ACTR3C: variants seen among roughly 807,000 people sequenced by gnomAD.
ACTR3C encodes actin-related protein 3C.
In ACTR3C, 18 loss-of-function variants were observed where a neutral mutation model predicts 26.3. The observed-to-expected ratio is 0.68, with a 90% CI of 0.47 to 1.01. ACTR3C has a LOEUF of 1.01. Ranked by LOEUF, ACTR3C falls within the 50% of genes least tolerant of loss-of-function variation. ACTR3C has a pLI of 0.00. For synonymous variants in ACTR3C, 55 were observed against 94.5 expected (o/e 0.58, Z 2.42); for missense variants, 184 against 250.7 (o/e 0.73, Z 1.80).
At chr7:149,891,904 A>G in the ACTR3C span, among the ~76,000 whole-genome samples, 1 of 19,764 alleles carries the variant, frequency 5.1e-5, no homozygotes. Flanking sequence ...GGAGCTTTAA[A>G]AAAAAAAAAG....
At chr7:149,884,729 C>T in the ACTR3C span, among the ~76,000 whole-genome samples, 2 of 152,330 alleles carry the variant, frequency 1.3e-5, no homozygotes, top group African/African-American at 4.8e-5. Flanking sequence ...CTGCCTCTGC[C>T]CCAGGCAGAC....
At chr7:150,169,144 G>A in the ACTR3C span, among the ~76,000 whole-genome samples, 3 of 150,298 alleles carry the variant, frequency 2.0e-5, no homozygotes, top group Non-Finnish European at 4.4e-5. Flanking sequence ...CACTTTGGGA[G>A]GCCGAGGTGG....
intron 6 of ACTR3C, among the ~76,000 whole-genome samples, chr7:150,270,617 C>G (rs1223731979): frequency 4.6e-5 from 7 of 152,154 alleles, no homozygotes; most frequent in Admixed American, 4.6e-4. Flanking sequence ...GCGCCACCCC[C>G]CCGCCCTGCA....
chr7:149,972,170 C>T, the ACTR3C span, among the ~76,000 whole-genome samples: 12 of 152,224 alleles, frequency 7.9e-5, no homozygotes, highest in East Asian at 3.9e-4. Flanking sequence ...CCCATCCTCC[C>T]GCCCTTCCCT....
the ACTR3C span, among the ~76,000 whole-genome samples, chr7:150,015,797 G>A: frequency 6.6e-6 from 1 of 152,218 alleles, no homozygotes; most frequent in Non-Finnish European, 1.5e-5. Context: ...GCTTCTAATG[G>A]CACAGGTGGT....
the ACTR3C span, among the ~76,000 whole-genome samples, chr7:150,224,034 G>A: frequency 2.0e-5 from 3 of 152,194 alleles, no homozygotes; most frequent in Admixed American, 2.0e-4. Context: ...AGTGTCACCA[G>A]CCAGTGTCAT....
the ACTR3C span, among the ~76,000 whole-genome samples, chr7:150,036,879 C>A: frequency 8.2e-6 from 1 of 121,254 alleles, no homozygotes; most frequent in Non-Finnish European, 1.9e-5. Flanking sequence ...GGATGAGGGT[C>A]TGGCTCTCAG....
At chr7:150,221,624 TGAAG>T in the ACTR3C span, among the ~76,000 whole-genome samples, 1 of 152,222 alleles carries the variant, frequency 6.6e-6, no homozygotes, top group African/African-American at 2.4e-5. Context: ...TTGTATAAAT[TGAAG>T]GAAGAAGTTA....
chr7:150,306,657 G>A (rs886959126), intron 1 of ACTR3C, among the ~76,000 whole-genome samples: 1 of 152,194 alleles, frequency 6.6e-6, no homozygotes, highest in African/African-American at 2.4e-5. Context: ...GGCCAGCTTG[G>A]ACAACACAGC....
chr7:150,291,151 C>A (rs10085681), intron 3 of ACTR3C, among the ~76,000 whole-genome samples: 5,589 of 152,242 alleles, frequency 0.037, 319 homozygotes, highest in African/African-American at 0.13. Context: ...AGAGCTTAGG[C>A]CGGGCATAGT....
At chr7:150,069,246 A>G in the ACTR3C span, among the ~76,000 whole-genome samples, 5 of 152,136 alleles carry the variant, frequency 3.3e-5, no homozygotes, top group African/African-American at 1.2e-4. Flanking sequence ...TTTTTTAGTG[A>G]GACTTTAATA....
the ACTR3C span, among the ~76,000 whole-genome samples, chr7:150,090,552 G>A: frequency 5.6e-3 from 844 of 151,694 alleles, 2 homozygotes; most frequent in African/African-American, 0.019. Flanking sequence ...CTCCTCAGAG[G>A]CAAGTCAGTC....
chr7:150,259,186 T>G (rs973888948), intron 6 of ACTR3C, among the ~76,000 whole-genome samples: 2 of 142,830 alleles, frequency 1.4e-5, no homozygotes, highest in African/African-American at 5.2e-5. Flanking sequence ...ACAAACACAA[T>G]GAGAATCTCA....
chr7:150,242,471 C>T (rs1235586493), downstream of ACTR3C, among the ~76,000 whole-genome samples: 1 of 151,020 alleles, frequency 6.6e-6, no homozygotes, highest in African/African-American at 2.5e-5. Context: ...CAGGCCTAAA[C>T]ATGTATAAAA....
the ACTR3C span, among the ~76,000 whole-genome samples, chr7:150,118,554 G>A: frequency 4.0e-4 from 58 of 144,826 alleles, no homozygotes; most frequent in Middle Eastern, 3.4e-3. Context: ...GAAAAGAAAC[G>A]AACAAAACCT....
chr7:150,017,517 C>T, the ACTR3C span, among the ~76,000 whole-genome samples: 5 of 150,112 alleles, frequency 3.3e-5, no homozygotes, highest in Non-Finnish European at 7.4e-5. Context: ...ATAGGTAGCG[C>T]AGGTGGGCCA....
At chr7:150,129,346 C>T in the ACTR3C span, among the ~76,000 whole-genome samples, 4,397 of 120,656 alleles carry the variant, frequency 0.036, 9 homozygotes, top group African/African-American at 0.044. Flanking sequence ...AGATTTAATC[C>T]CTCACACTTC....
chr7:149,890,113 T>G, the ACTR3C span, among the ~76,000 whole-genome samples: 1 of 152,230 alleles, frequency 6.6e-6, no homozygotes, highest in Non-Finnish European at 1.5e-5. Context: ...ACCAGATAAT[T>G]CTTAAAAACA....
At chr7:149,970,325 G>A in the ACTR3C span, among the ~76,000 whole-genome samples, 1 of 151,692 alleles carries the variant, frequency 6.6e-6, no homozygotes, top group Non-Finnish European at 1.5e-5. Context: ...CGTGATGCTC[G>A]ATGGACACTC....
Sources: allele counts gnomAD v4.1 joint callset (sites outside exome capture counted in the v4.1 genomes callset), GRCh38; gene constraint gnomAD v4.1.1; transcripts MANE v1.5; gene names NCBI Gene and HGNC (gene_info 2026-07-23, HGNC 2026-07-21).